The following COL4A5 variants were observed in gnomAD, a reference collection of about 807,000 sequenced individuals.
COL4A5 encodes collagen type IV alpha 5 chain, also known as collagen alpha-5(IV) chain.
COL4A5 carries 26 observed loss-of-function variants against 130.2 expected under a neutral mutation model. That is an observed-to-expected ratio of 0.20 (90% CI 0.15 to 0.28). The LOEUF (loss-of-function observed/expected upper bound fraction) is 0.28. Ranked by LOEUF, COL4A5 falls within the 10% of genes least tolerant of loss-of-function variation. The pLI is 1.00. For synonymous variants in COL4A5, 496 were observed against 439.6 expected, an observed-to-expected ratio of 1.13 and a Z score of -1.60; for missense variants, 1,131 against 1,344.3, an observed-to-expected ratio of 0.84 and a Z score of 2.48.
At chrX:108,646,060 T>C (rs1026060556) in intron 36 of COL4A5, among the ~76,000 whole-genome samples, 83 of 65,754 alleles carry the variant, frequency 1.3e-3, no homozygotes, top group Non-Finnish European at 1.9e-3. Flanking sequence ...TGTGTCTTTA[T>C]AGCAGCATGA....
intron 1 of COL4A5, among the ~76,000 whole-genome samples, chrX:108,481,382 C>T (rs2064888915): frequency 9.0e-6 from 1 of 111,448 alleles, no homozygotes; most frequent in Admixed American, 9.5e-5. Context: ...GACCCAGCCT[C>T]CCCTTCATTC....
intron 36 of COL4A5, among the ~76,000 whole-genome samples, chrX:108,638,806 T>A (rs997003621): frequency 9.0e-6 from 1 of 111,659 alleles, no homozygotes; most frequent in Non-Finnish European, 1.9e-5. Context: ...AAAAGGAAAT[T>A]AAGAAAATTA....
chrX:108,515,413 G>T (rs1455180184), intron 1 of COL4A5, among the ~76,000 whole-genome samples: 1 of 111,890 alleles, frequency 8.9e-6, no homozygotes, highest in East Asian at 2.8e-4. Flanking sequence ...TTTTTATTAA[G>T]ATCAAAGCTC....
At chrX:108,680,812 A>G (rs1369847913) in intron 45 of COL4A5, 61 bp downstream of exon 45, 13 of 1,182,680 alleles carry the variant, frequency 1.1e-5, no homozygotes, top group Non-Finnish European at 1.5e-5. Context: ...CAAGATAGCC[A>G]TTTTCTGATT....
At chrX:108,451,842 T>C (rs1319189793) in intron 1 of COL4A5, among the ~76,000 whole-genome samples, 1 of 111,746 alleles carries the variant, frequency 8.9e-6, no homozygotes, top group South Asian at 3.8e-4. Flanking sequence ...AGAAACTCTT[T>C]AGTTTAATTA....
chrX:108,495,315 G>A (rs751483586), intron 1 of COL4A5, among the ~76,000 whole-genome samples: 10 of 111,037 alleles, frequency 9.0e-5, no homozygotes, highest in Non-Finnish European at 1.5e-4. Context: ...ATTCTTAGAC[G>A]TAATACCAAA....
At chrX:108,571,548 C>A in intron 7 of COL4A5, 82 bp downstream of exon 7, 1 of 718,731 alleles carries the variant, frequency 1.4e-6, no homozygotes, top group Non-Finnish European at 2.2e-6. Context: ...CCAATGCATT[C>A]ATGTGGAACA....
intron 1 of COL4A5, among the ~76,000 whole-genome samples, chrX:108,470,322 T>C (rs2064753280): frequency 8.9e-6 from 1 of 112,369 alleles, no homozygotes; most frequent in Non-Finnish European, 1.9e-5. Flanking sequence ...TTTGTTTTGC[T>C]TTTTAATAAT....
chrX:108,497,536 A>T (rs1479726275), intron 1 of COL4A5, among the ~76,000 whole-genome samples: 1 of 111,329 alleles, frequency 9.0e-6, no homozygotes, highest in Non-Finnish European at 1.9e-5. Context: ...GAGTTCCTCT[A>T]TGTTTGTGGG....
chrX:108,498,973 T>C (rs1362591298), intron 1 of COL4A5, among the ~76,000 whole-genome samples: 1 of 111,425 alleles, frequency 9.0e-6, no homozygotes, highest in African/African-American at 3.3e-5. Flanking sequence ...CTCTTCCCTT[T>C]TCAATTATTT....
At chrX:108,484,317 C>G (rs905748674) in intron 1 of COL4A5, among the ~76,000 whole-genome samples, 1 of 111,837 alleles carries the variant, frequency 8.9e-6, no homozygotes, top group South Asian at 3.7e-4. Context: ...GGATTGGTCT[C>G]TGGTGCTTTA....
At chrX:108,502,679 C>A (rs977613241) in intron 1 of COL4A5, among the ~76,000 whole-genome samples, 2 of 111,401 alleles carry the variant, frequency 1.8e-5, no homozygotes, top group African/African-American at 6.5e-5. Context: ...AAATCACACA[C>A]ACAATATATG....
rs774821113 is a variant in COL4A5 at position 108,550,517 on chromosome X, T to G, written c.142-8547T>G. Among the ~76,000 whole-genome samples the G allele has an allele frequency of 9.8e-5, 11 of 111,834 alleles. No individual in the cohort carries two copies. The East Asian group carries it at 2.0e-3, about 20-fold the overall frequency. On this transcript the variant is annotated intron_variant, in intron 2 of 52. Coordinates refer to ENST00000328300, the MANE Select transcript of COL4A5 (RefSeq NM_033380.3). ...AATATCCATTTCTAATAAAAATTAC[T>G]CTTAGTAAACTAGGAGTAGAAGAGA...
intron 16 of COL4A5, among the ~76,000 whole-genome samples, chrX:108,581,236 G>T (rs1189243822): frequency 9.0e-6 from 1 of 111,403 alleles, no homozygotes; most frequent in Non-Finnish European, 1.9e-5. Flanking sequence ...ATTTATTTAT[G>T]AGGTACATGA....
intron 19 of COL4A5, among the ~76,000 whole-genome samples, chrX:108,590,750 C>T (rs1337556431): frequency 9.0e-6 from 1 of 111,287 alleles, no homozygotes; most frequent in Non-Finnish European, 1.9e-5. Flanking sequence ...TTTGAAATAC[C>T]TTTTTATCTT....
Position 108,439,943 on chromosome X carries a change from C to T in COL4A5, c.-183C>T, listed in dbSNP as rs369298800. ...GAGGGGAGGGGGGAAGGAAGAGTAG[C>T]TCCTTCTTCTTCTTCTTTTTTTTTT... is the stretch of plus-strand genomic sequence containing the variant. On this transcript the variant is annotated 5_prime_UTR_variant, in exon 1 of 53. Coordinates refer to ENST00000328300, the MANE Select transcript of COL4A5 (RefSeq NM_033380.3). The T allele has an allele frequency of 1.1e-5, 5 of 438,082 alleles. No individual in the cohort carries two copies. The East Asian group carries it at 1.5e-4, about 13-fold the overall frequency. 36.1% of individuals were successfully genotyped at this position (438,082 alleles called of 1,213,427 possible). A position where few individuals can be genotyped will look rare whatever the true frequency, so the allele number is the denominator to read the frequency against.
chrX:108,502,936 A>T lies in COL4A5; in HGVS notation c.82-36810A>T, dbSNP rs752746868. 5.4e-5 allele frequency among the ~76,000 whole-genome samples: 6 copies of T among 112,097 alleles called. No individual in the cohort carries two copies. In the South Asian group the frequency reaches 2.2e-3, roughly 42 times the overall value. ...TAGAAAACTTTGATATGTTTTTTAA[A>T]TATCTCTTAAATGTGTGGGTTTTCC... On this transcript the variant is annotated intron_variant, in intron 1 of 52. Coordinates refer to ENST00000328300, the MANE Select transcript of COL4A5 (RefSeq NM_033380.3).
intron 13 of COL4A5, among the ~76,000 whole-genome samples, 179 bp downstream of exon 13, chrX:108,578,562 TAA>T (rs1374838161): frequency 1.8e-5 from 2 of 111,946 alleles, no homozygotes; most frequent in Middle Eastern, 4.6e-3. Context: ...AATAAAATGA[TAA>T]AAAGTTAAAA....
intron 3 of COL4A5, among the ~76,000 whole-genome samples, chrX:108,562,003 C>G (rs1001514907): frequency 8.9e-6 from 1 of 111,954 alleles, no homozygotes; most frequent in African/African-American, 3.2e-5. Flanking sequence ...AATGGCACAT[C>G]AAGAGCAAGA....
Sources: allele counts gnomAD v4.1 joint callset (sites outside exome capture counted in the v4.1 genomes callset), GRCh38; gene constraint gnomAD v4.1.1; transcripts MANE v1.5; gene names NCBI Gene and HGNC (gene_info 2026-07-23, HGNC 2026-07-21).